The following ZMYM2 variants were observed in gnomAD, a reference collection of about 807,000 sequenced individuals.
ZMYM2 encodes zinc finger MYM-type containing 2, also known as zinc finger MYM-type protein 2.
In ZMYM2, 56 loss-of-function variants were observed where a neutral mutation model predicts 162.8. That is an observed-to-expected ratio of 0.34 (90% CI 0.28 to 0.43). The LOEUF is 0.43. Ranked by LOEUF, ZMYM2 falls within the 20% of genes least tolerant of loss-of-function variation. The pLI is 1.00. For missense variants in ZMYM2, 1,275 were observed against 1,621.8 expected, an observed-to-expected ratio of 0.79 and a Z score of 3.67; for synonymous variants, 510 against 541.6, an observed-to-expected ratio of 0.94 and a Z score of 0.81.
At position 20,087,908 on chromosome 13, in the gene ZMYM2, C is replaced by G. The variant is rs1335351395; in HGVS notation, c.*1894C>G. ...CTTTAAGCACTTTTCCTATTAATGC[C>G]TATTGTTGATTAAAAGGTGGTTAAT... On this transcript the variant is annotated 3_prime_UTR_variant, in exon 25 of 25. Transcript: ENST00000610343. The G allele has an allele frequency of 8.4e-5, 16 of 190,234 alleles. No homozygotes were observed. In the East Asian group the frequency reaches 1.3e-3, roughly 16 times the overall value. 11.8% of individuals were successfully genotyped at this position (190,234 alleles called of 1,614,324 possible). A position where few individuals can be genotyped will look rare whatever the true frequency, so the allele number is the denominator to read the frequency against.
chr13:19,960,765 A>G (rs1014354667), intron 2 of ZMYM2, among the ~76,000 whole-genome samples: 1 of 152,224 alleles, frequency 6.6e-6, no homozygotes, highest in Admixed American at 6.5e-5. Context: ...ATAGCCAGTC[A>G]TATTTTCCTT....
chr13:19,924,814 T>C, the ZMYM2 span, among the ~76,000 whole-genome samples: 1 of 152,154 alleles, frequency 6.6e-6, no homozygotes, highest in Non-Finnish European at 1.5e-5. Context: ...TCAATTCTTC[T>C]GGATATATAC....
intron 14 of ZMYM2, among the ~76,000 whole-genome samples, chr13:20,056,836 C>CA (rs1955835778): frequency 6.6e-6 from 1 of 152,114 alleles, no homozygotes. Context: ...TGCTTGAGCA[C>CA]AGTCTCAATT....
chr13:19,967,179 G>A (rs1362085753), intron 2 of ZMYM2, among the ~76,000 whole-genome samples: 1 of 151,916 alleles, frequency 6.6e-6, no homozygotes, highest in Non-Finnish European at 1.5e-5. Context: ...TTTAAAAAAA[G>A]AGCACAGTAT....
the ZMYM2 span, among the ~76,000 whole-genome samples, chr13:19,942,379 C>G: frequency 6.6e-6 from 1 of 151,580 alleles, no homozygotes. Context: ...AAAAAGGAAC[C>G]ACATAAAATG....
chr13:20,030,100 A>G (rs964155290), intron 9 of ZMYM2, among the ~76,000 whole-genome samples: 1 of 151,736 alleles, frequency 6.6e-6, no homozygotes, highest in South Asian at 2.1e-4. Flanking sequence ...CAGTCTGTAA[A>G]TTGTTTTAAC....
the ZMYM2 span, among the ~76,000 whole-genome samples, chr13:19,942,343 G>A: frequency 6.3e-4 from 96 of 151,630 alleles, no homozygotes; most frequent in African/African-American, 2.3e-3. Context: ...TGGGGGAAGT[G>A]GAATGGAAAT....
At position 20,036,773 on chromosome 13, in the gene ZMYM2, G is replaced by A. The variant is rs1443951796; in HGVS notation, c.2156G>A (p.Arg719His). The A allele has an allele frequency of 7.5e-6, 12 of 1,589,806 alleles. No individual in the cohort carries two copies. The highest frequency in any genetic ancestry group is 2.3e-5 in the East Asian group (1 of 44,076). ...KLLYKQDFARRLGLRCVTCNY... is the reference protein window; with the variant it reads ...KLLYKQDFARHLGLRCVTCNY... ...TTATACAAACAGGATTTTGCCAGAC[G>A]TTTAGGATTGAGATGTGTTACTTGC... Residue 719 changes from arginine (R) to histidine (H), a missense_variant, in exon 12 of 25, where the codon CGT becomes CAT. By Grantham distance (29) the Arg-to-His change is conservative. Around this residue, in one of 10 missense-constraint regions of ZMYM2, gnomAD observed 177 missense variants for 228.0 expected, o/e 0.78. Coordinates refer to ENST00000610343, the MANE Select transcript of ZMYM2 (RefSeq NM_197968.4).
the ZMYM2 span, among the ~76,000 whole-genome samples, chr13:19,948,324 A>G: frequency 6.6e-6 from 1 of 152,246 alleles, no homozygotes; most frequent in African/African-American, 2.4e-5. Flanking sequence ...CATTATTCAT[A>G]ATTGTCAAAA....
chr13:19,946,337 C>G, the ZMYM2 span, among the ~76,000 whole-genome samples: 1 of 152,210 alleles, frequency 6.6e-6, no homozygotes, highest in Non-Finnish European at 1.5e-5. Flanking sequence ...CCCGCCTGCT[C>G]TTGACTCTCC....
intron 6 of ZMYM2, among the ~76,000 whole-genome samples, chr13:20,013,262 A>G (rs1951345711): frequency 1.3e-5 from 2 of 152,124 alleles, no homozygotes; most frequent in South Asian, 2.1e-4. Context: ...CAGATTGTAC[A>G]TTACTAGTAT....
chr13:19,884,856 A>T, the ZMYM2 span, among the ~76,000 whole-genome samples: 3 of 152,008 alleles, frequency 2.0e-5, no homozygotes, highest in African/African-American at 7.2e-5. Flanking sequence ...AGCACATCAC[A>T]ATTGCGGGTG....
chr13:19,923,838 T>G, the ZMYM2 span, among the ~76,000 whole-genome samples: 1 of 151,880 alleles, frequency 6.6e-6, no homozygotes, highest in Non-Finnish European at 1.5e-5. Flanking sequence ...GCCCAGCTAA[T>G]TTTTGTATTT....
intron 14 of ZMYM2, among the ~76,000 whole-genome samples, chr13:20,054,397 T>C (rs551956684): frequency 6.6e-6 from 1 of 152,352 alleles, no homozygotes; most frequent in South Asian, 2.1e-4. Context: ...AACTTTTAGC[T>C]CAGTGCCTGT....
chr13:20,083,053 T>G, intron 23 of ZMYM2, 21 bp downstream of exon 23: 1 of 1,515,222 alleles, frequency 6.6e-7, no homozygotes. Flanking sequence ...AGATTTCTAT[T>G]TTTATTTTTA....
chr13:19,931,145 A>C, the ZMYM2 span, among the ~76,000 whole-genome samples: 1 of 149,208 alleles, frequency 6.7e-6, no homozygotes, highest in Middle Eastern at 3.4e-3. Flanking sequence ...TCTCAAAAAA[A>C]AAAATAATAA....
chr13:20,081,905 C>T, intron 21 of ZMYM2, 111 bp from the exon 22 acceptor site: 2 of 600,466 alleles, frequency 3.3e-6, no homozygotes, highest in African/African-American at 2.0e-5. Context: ...GTATGCATTT[C>T]AAAGACATAA....
intron 3 of ZMYM2, among the ~76,000 whole-genome samples, chr13:19,995,099 C>A (rs1273799501): frequency 6.6e-6 from 1 of 152,008 alleles, no homozygotes; most frequent in Non-Finnish European, 1.5e-5. Context: ...TCTGCCTTGG[C>A]CTCCTAAAGT....
upstream of ZMYM2, among the ~76,000 whole-genome samples, chr13:19,955,071 C>T (rs907570662): frequency 4.6e-5 from 7 of 152,006 alleles, no homozygotes; most frequent in Non-Finnish European, 8.8e-5. Flanking sequence ...CTTGGCCTCC[C>T]AAAGTGCTGG....
Sources: allele counts gnomAD v4.1 joint callset (sites outside exome capture counted in the v4.1 genomes callset), GRCh38; gene constraint gnomAD v4.1.1; regional missense constraint gnomAD v4.1.1; transcripts MANE v1.5; gene names NCBI Gene and HGNC (gene_info 2026-07-23, HGNC 2026-07-21).